Variants in PDE10A observed in about 807,000 individuals in gnomAD.
The protein encoded by PDE10A is phosphodiesterase 10A, also known as cAMP and cAMP-inhibited cGMP 3',5'-cyclic phosphodiesterase 10A.
A neutral mutation model predicts 97.7 loss-of-function variants in PDE10A; 39 were observed. That is an observed-to-expected ratio of 0.40 (90% CI 0.31 to 0.52). PDE10A has a LOEUF of 0.52. PDE10A is among the 20% of genes least tolerant of loss of function. PDE10A has a pLI of 0.56. For missense variants in PDE10A, 731 were observed against 1,047.8 expected, an observed-to-expected ratio of 0.70 and a Z score of 4.17; for synonymous variants, 371 against 376.8, an observed-to-expected ratio of 0.98 and a Z score of 0.18.
At chr6:165,680,558 A>G (rs1790946850) in intron 1 of PDE10A, among the ~76,000 whole-genome samples, 2 of 152,248 alleles carry the variant, frequency 1.3e-5, no homozygotes, top group African/African-American at 4.8e-5. Flanking sequence ...GGAATCTTGG[A>G]CAATTTCTAC....
Position 165,918,064 on chromosome 6 carries a change from T to TA in PDE10A, c.-615+69464dup, listed in dbSNP as rs200559690. The stretch of plus-strand genomic sequence containing the variant: ...GTAACTCAACAATTCCAGAGTGGTA[T>TA]AAAAAATATAGAGAGTAAATTTGAT... On this transcript the variant is annotated intron_variant, in intron 1 of 19. Coordinates refer to the PDE10A transcript ENST00000366882. Among the ~76,000 whole-genome samples, 10 of 152,366 alleles carry TA rather than the reference T, an allele frequency of 6.6e-5. No individual in the cohort carries two copies. The East Asian group carries it at 1.5e-3, about 23-fold the overall frequency.
rs145018880 is a variant in PDE10A at position 165,334,276 on chromosome 6, G to T, written c.3066-1149C>A. Reference sequence around the variant, plus strand: ...TCCACAAGGAAGGCACCTCCATAGCGCCCTACAGCGCCGGGCACGCGCCTC... The same window carrying T: ...TCCACAAGGAAGGCACCTCCATAGCTCCCTACAGCGCCGGGCACGCGCCTC... On this transcript the variant is annotated intron_variant, in intron 21 of 21. Transcript: ENST00000539869. Among the ~76,000 whole-genome samples the T allele has an allele frequency of 3.3e-3, 506 of 151,920 alleles. 3 individuals are homozygous for T. The highest frequency in any genetic ancestry group is 0.011 in the African/African-American group (470 of 41,216).
intron 1 of PDE10A, among the ~76,000 whole-genome samples, chr6:165,954,566 C>T (rs1168757372): frequency 6.6e-6 from 1 of 152,154 alleles, no homozygotes; most frequent in Non-Finnish European, 1.5e-5. Context: ...CAAGAGAGGA[C>T]AGAGGCAGCT....
At chr6:165,749,278 T>TCACCA (rs1792923565) in intron 1 of PDE10A, among the ~76,000 whole-genome samples, 1 of 33,798 alleles carries the variant, frequency 3.0e-5, no homozygotes, top group East Asian at 8.1e-4. Context: ...ATCATCACCA[T>TCACCA]TACCATCATC....
intron 17 of PDE10A, among the ~76,000 whole-genome samples, chr6:165,382,736 A>T (rs1275001067): frequency 3.9e-5 from 4 of 103,550 alleles, no homozygotes; most frequent in Admixed American, 3.8e-4. Flanking sequence ...AATAGTGATG[A>T]TTGATGATGA....
chr6:165,809,387 G>A (rs752279827), intron 1 of PDE10A, among the ~76,000 whole-genome samples: 1 of 152,122 alleles, frequency 6.6e-6, no homozygotes, highest in Non-Finnish European at 1.5e-5. Context: ...TGGAAGCAAG[G>A]CTCTTCCTTG....
intron 3 of PDE10A, among the ~76,000 whole-genome samples, chr6:165,466,483 T>C (rs1376731619): frequency 6.6e-6 from 1 of 152,252 alleles, no homozygotes; most frequent in Non-Finnish European, 1.5e-5. Flanking sequence ...TTTGCTTTAC[T>C]GCTCTTTGTA....
At chr6:165,390,210 G>T (rs1303532807) in intron 16 of PDE10A, among the ~76,000 whole-genome samples, 2 of 152,122 alleles carry the variant, frequency 1.3e-5, no homozygotes, top group Admixed American at 6.6e-5. Context: ...TGGTGCATTC[G>T]CAGGAAAACC....
intron 1 of PDE10A, among the ~76,000 whole-genome samples, chr6:165,839,520 C>G (rs149347885): frequency 4.8e-4 from 73 of 152,272 alleles, no homozygotes; most frequent in African/African-American, 1.6e-3. Flanking sequence ...GTTCCAGTCC[C>G]CAATTCCTAT....
In PDE10A at chr6:165,763,495, G is replaced by A. The variant is rs868511095; in HGVS notation, c.-614-219927C>T. ...CCACCACCATACCCAGCTAATTTTT[G>A]TATTTTTAGTGGAGACACAGTTTCG... is the stretch of plus-strand genomic sequence containing the variant. On this transcript the variant is annotated intron_variant, in intron 1 of 19. Transcript: ENST00000366882. Among the ~76,000 whole-genome samples the A allele has an allele frequency of 9.9e-5, 15 of 152,086 alleles. No individual in the cohort carries two copies. In the South Asian group the frequency reaches 1.7e-3, roughly 17 times the overall value.
At chr6:165,447,357 G>A (rs78061349) in intron 5 of PDE10A, among the ~76,000 whole-genome samples, 64 of 152,154 alleles carry the variant, frequency 4.2e-4, no homozygotes, top group Non-Finnish European at 8.8e-5. Context: ...CTGAGTCCAA[G>A]ATACAGGTTT....
At chr6:165,721,719 A>C (rs985837718) in intron 1 of PDE10A, among the ~76,000 whole-genome samples, 5 of 152,230 alleles carry the variant, frequency 3.3e-5, no homozygotes, top group African/African-American at 1.2e-4. Flanking sequence ...GTAATTGCTC[A>C]GTCTCCATTT....
chr6:165,516,578 C>A lies in PDE10A; in HGVS notation c.994+26862G>T, dbSNP rs1369503678. On this transcript the variant is annotated intron_variant, in intron 2 of 21. Transcript: ENST00000539869. ...CCCTTAATGATCTGACACCCTCTCACATGTTAAGCATACGAGGACAAATTA... is the reference window on the plus strand; with the variant it reads ...CCCTTAATGATCTGACACCCTCTCAAATGTTAAGCATACGAGGACAAATTA... 3.9e-5 allele frequency among the ~76,000 whole-genome samples: 6 copies of A among 152,304 alleles called. No homozygotes were observed. The East Asian group carries it at 5.8e-4, about 15-fold the overall frequency.
At chr6:165,648,242 G>T (rs1386234620) in intron 1 of PDE10A, among the ~76,000 whole-genome samples, 1 of 152,018 alleles carries the variant, frequency 6.6e-6, no homozygotes, top group Non-Finnish European at 1.5e-5. Flanking sequence ...TCGATCTCCT[G>T]ACCTCGTGAT....
chr6:165,444,657 T>C (rs1239945206), intron 5 of PDE10A, among the ~76,000 whole-genome samples: 1 of 152,044 alleles, frequency 6.6e-6, no homozygotes, highest in Non-Finnish European at 1.5e-5. Flanking sequence ...TATGTTTTAA[T>C]TTTAGTGCTT....
At chr6:165,460,317 T>C (rs919160510) in intron 3 of PDE10A, among the ~76,000 whole-genome samples, 2 of 152,146 alleles carry the variant, frequency 1.3e-5, no homozygotes, top group African/African-American at 4.8e-5. Flanking sequence ...AATGGGGAAA[T>C]TCAAGTTGTT....
In PDE10A at chr6:165,332,804, G is replaced by A. The variant is rs1781412226; in HGVS notation, c.*221C>T. 2 of 485,438 alleles carry A rather than the reference G, an allele frequency of 4.1e-6. No individual in the cohort carries two copies. Among genetic ancestry groups the A allele is most frequent in the South Asian group, 3.2e-5 (1 of 31,330 alleles). The allele number at this position is 485,438 out of a possible 1,614,324, so 30.1% of individuals were successfully genotyped here. Reference sequence around the variant, plus strand: ...TCACTTGGCCAGCTGATTTCTGAACGTGGGGGTGGTCCTGGTTGCTCAGTG... The same window carrying A: ...TCACTTGGCCAGCTGATTTCTGAACATGGGGGTGGTCCTGGTTGCTCAGTG... On this transcript the variant is annotated 3_prime_UTR_variant, in exon 22 of 22. Coordinates refer to ENST00000539869, the MANE Select transcript of PDE10A (RefSeq NM_001385079.1).
rs183080809 is a variant in PDE10A, at chr6:165,967,733, A to G, written c.-615+19796T>C. ...TAATTCTTAGACATGGGCTTCAACC[A>G]TGCTTTTGAGATAGCCCTGTGATTG... On this transcript the variant is annotated intron_variant, in intron 1 of 19. Transcript: ENST00000366882. Among the ~76,000 whole-genome samples the G allele has an allele frequency of 1.4e-3, 216 of 152,326 alleles. 1 individual carries two copies. Among genetic ancestry groups the G allele is most frequent in the African/African-American group, 5.1e-3 (211 of 41,574 alleles).
At chr6:165,462,300 T>G (rs1349256652) in intron 3 of PDE10A, among the ~76,000 whole-genome samples, 1 of 152,172 alleles carries the variant, frequency 6.6e-6, no homozygotes, top group Admixed American at 6.5e-5. Context: ...GAATCTAGCA[T>G]TATTAACTTT....
Sources: allele counts gnomAD v4.1 joint callset (sites outside exome capture counted in the v4.1 genomes callset), GRCh38; gene constraint gnomAD v4.1.1; transcripts MANE v1.5; gene names NCBI Gene and HGNC (gene_info 2026-07-23, HGNC 2026-07-21).